The following SPIDR variants were observed in gnomAD, a reference collection of about 807,000 sequenced individuals.
SPIDR encodes DNA repair-scaffolding protein.
In SPIDR, 93 loss-of-function variants were observed where a neutral mutation model predicts 104.6. The ratio of observed to expected loss-of-function variants is 0.89; its 90% CI spans 0.75 to 1.06. The LOEUF is 1.06. SPIDR is among the 50% of genes least tolerant of loss of function. The pLI, the probability that SPIDR is intolerant of heterozygous loss-of-function variation, is 0.00. For synonymous variants in SPIDR, 431 were observed against 416.9 expected (o/e 1.03, Z -0.41); for missense variants, 1,154 against 1,111.2 (o/e 1.04, Z -0.55).
intron 8 of SPIDR, among the ~76,000 whole-genome samples, chr8:47,502,704 C>T (rs1038762057): frequency 6.6e-6 from 1 of 152,060 alleles, no homozygotes. Context: ...GCTCTTGTTT[C>T]TCTAGTTCTT....
In SPIDR at chr8:47,727,279, G is replaced by A. The variant is rs746164321; in HGVS notation, c.2421G>A (p.Gln807=). 6.2e-7 allele frequency: 1 copy of A among 1,614,118 alleles called. No homozygotes were observed. The highest frequency in any genetic ancestry group is 1.1e-5 in the South Asian group (1 of 91,076). ...CDMCGNGRLE[Q]RPEDRGAFSC... The stretch of plus-strand genomic sequence containing the variant: ...TGTGTGGCAACGGGAGATTGGAACA[G>A]AGGCCGGAAGACAGGTAAGGGGACA... The change falls in exon 17 of 20, where the codon CAG becomes CAA. Residue 807 remains glutamine, a synonymous_variant. Coordinates refer to ENST00000297423, the MANE Select transcript of SPIDR (RefSeq NM_001080394.4).
intron 8 of SPIDR, among the ~76,000 whole-genome samples, chr8:47,443,134 C>A (rs1554698532): frequency 1.3e-5 from 2 of 152,086 alleles, no homozygotes; most frequent in African/African-American, 4.8e-5. Flanking sequence ...TTAGACTTTA[C>A]AAGTAAATGA....
At chr8:47,653,313 T>A (rs1468385824) in intron 10 of SPIDR, among the ~76,000 whole-genome samples, 1 of 152,070 alleles carries the variant, frequency 6.6e-6, no homozygotes, top group Non-Finnish European at 1.5e-5. Flanking sequence ...CAGTTACAAA[T>A]CCTTGGCCTC....
At chr8:47,671,304 G>A (rs2075763404) in intron 10 of SPIDR, among the ~76,000 whole-genome samples, 1 of 152,060 alleles carries the variant, frequency 6.6e-6, no homozygotes, top group Admixed American at 6.5e-5. Flanking sequence ...AATGTCCCAG[G>A]CCAGGCGGGG....
intron 2 of SPIDR, among the ~76,000 whole-genome samples, chr8:47,281,093 A>G (rs2037686277): frequency 1.3e-5 from 2 of 152,248 alleles, no homozygotes; most frequent in Non-Finnish European, 2.9e-5. Context: ...TTATGTTTAT[A>G]TTATAATGTA....
At position 47,555,999 on chromosome 8, in the gene SPIDR, G is replaced by T. The variant is rs182108783; in HGVS notation, c.1098-39812G>T. Among the ~76,000 whole-genome samples the T allele has an allele frequency of 2.3e-3, 343 of 152,290 alleles. 4 individuals are homozygous for T. Among genetic ancestry groups the T allele is most frequent in the African/African-American group, 8.1e-3 (337 of 41,546 alleles). The stretch of plus-strand genomic sequence containing the variant: ...ACTCTTAGTTTTCTAAGATTTTAAA[G>T]ATGTTATAGGTATGTTAATGAGTTT... On this transcript the variant is annotated intron_variant, in intron 8 of 19. Coordinates refer to ENST00000297423, the MANE Select transcript of SPIDR (RefSeq NM_001080394.4).
chr8:47,355,102 C>T (rs1327288808), intron 5 of SPIDR, among the ~76,000 whole-genome samples: 1 of 151,930 alleles, frequency 6.6e-6, no homozygotes, highest in Non-Finnish European at 1.5e-5. Flanking sequence ...ATTACAGGCA[C>T]CCGCCACCAC....
At chr8:47,288,690 A>G (rs2154234993) in intron 3 of SPIDR, among the ~76,000 whole-genome samples, 1 of 152,378 alleles carries the variant, frequency 6.6e-6, no homozygotes, top group Non-Finnish European at 1.5e-5. Context: ...ATAGATATAG[A>G]TTCTTAGAAT....
chr8:47,604,342 C>G (rs1233913959), intron 10 of SPIDR, among the ~76,000 whole-genome samples: 1 of 152,176 alleles, frequency 6.6e-6, no homozygotes, highest in Non-Finnish European at 1.5e-5. Flanking sequence ...GCAAGAGATC[C>G]CAGGCACGCA....
chr8:47,550,403 G>T (rs2090253635), intron 8 of SPIDR, among the ~76,000 whole-genome samples: 1 of 152,174 alleles, frequency 6.6e-6, no homozygotes, highest in South Asian at 2.1e-4. Flanking sequence ...CATGAGCATG[G>T]AATGTTCTTC....
intron 8 of SPIDR, among the ~76,000 whole-genome samples, chr8:47,544,078 C>G (rs762151574): frequency 1.3e-5 from 2 of 151,742 alleles, no homozygotes; most frequent in Non-Finnish European, 1.5e-5. Flanking sequence ...TCTCTGTGGT[C>G]CCTTTGGCCA....
At chr8:47,547,419 A>G (rs554484655) in intron 8 of SPIDR, 16 of 252,742 alleles carry the variant, frequency 6.3e-5, no homozygotes, top group South Asian at 4.0e-4. Flanking sequence ...CTTTTTTTGT[A>G]TATTTTTAAT....
intron 10 of SPIDR, among the ~76,000 whole-genome samples, chr8:47,637,717 A>G (rs896656471): frequency 2.0e-5 from 3 of 152,236 alleles, no homozygotes; most frequent in East Asian, 3.9e-4. Context: ...CACTCTGTCA[A>G]CATGAGTTCC....
At chr8:47,441,605 G>A (rs1290867795) in intron 8 of SPIDR, among the ~76,000 whole-genome samples, 1 of 151,930 alleles carries the variant, frequency 6.6e-6, no homozygotes, top group East Asian at 1.9e-4. Context: ...AGGGGGCAGG[G>A]GTTTGTTTTG....
chr8:47,477,533 T>TA (rs1172561170), intron 8 of SPIDR, among the ~76,000 whole-genome samples: 2 of 152,204 alleles, frequency 1.3e-5, no homozygotes, highest in Non-Finnish European at 2.9e-5. Context: ...TCATTCATAG[T>TA]AATTTGTAAT....
At chr8:47,411,371 A>G (rs540717183) in intron 7 of SPIDR, among the ~76,000 whole-genome samples, 84 of 152,296 alleles carry the variant, frequency 5.5e-4, no homozygotes, top group South Asian at 1.0e-3. Context: ...GTGACATGGT[A>G]TCTCATTGTG....
intron 8 of SPIDR, among the ~76,000 whole-genome samples, chr8:47,461,176 A>G (rs2073874453): frequency 6.6e-6 from 1 of 152,200 alleles, no homozygotes; most frequent in African/African-American, 2.4e-5. Flanking sequence ...TCGTTCTTGT[A>G]TTTGGATGTC....
At chr8:47,336,805 G>T (rs535758130) in intron 5 of SPIDR, among the ~76,000 whole-genome samples, 8 of 152,286 alleles carry the variant, frequency 5.3e-5, no homozygotes, top group African/African-American at 1.9e-4. Context: ...AAGTCAAATT[G>T]TTAGATCATG....
chr8:47,264,673 A>C (rs2033484567), intron 1 of SPIDR, among the ~76,000 whole-genome samples: 1 of 150,828 alleles, frequency 6.6e-6, no homozygotes, highest in Non-Finnish European at 1.5e-5. Flanking sequence ...TCAGCCACCC[A>C]GGCTGGAGTG....
Sources: allele counts gnomAD v4.1 joint callset (sites outside exome capture counted in the v4.1 genomes callset), GRCh38; gene constraint gnomAD v4.1.1; transcripts MANE v1.5; gene names NCBI Gene and HGNC (gene_info 2026-07-23, HGNC 2026-07-21).